Variants in POT1 observed in about 807,000 individuals in gnomAD.
POT1 encodes protection of telomeres 1, also known as protection of telomeres protein 1.
POT1 carries 47 observed loss-of-function variants against 78.5 expected under a neutral mutation model. The ratio of observed to expected loss-of-function variants is 0.60; its 90% CI spans 0.47 to 0.76. The LOEUF is 0.76. POT1 is among the 30% of genes least tolerant of loss of function. The pLI, the probability that POT1 is intolerant of heterozygous loss-of-function variation, is 0.00. For missense variants in POT1, 646 were observed against 749.9 expected, an observed-to-expected ratio of 0.86 and a Z score of 1.62; for synonymous variants, 259 against 260.7, an observed-to-expected ratio of 0.99 and a Z score of 0.06.
chr7:124,871,323 A>G (rs549814365), intron 6 of POT1, among the ~76,000 whole-genome samples: 3 of 152,204 alleles, frequency 2.0e-5, no homozygotes, highest in South Asian at 4.1e-4. Flanking sequence ...TATTGCTTCA[A>G]GGTTTACAAA....
chr7:124,829,195 A>C, intron 16 of POT1, 59 bp downstream of exon 16: 1 of 1,110,422 alleles, frequency 9.0e-7, no homozygotes, highest in Middle Eastern at 2.0e-4. Flanking sequence ...AAATATAAGT[A>C]GGTGAAATAA....
rs554499387 is a variant in POT1, at chr7:124,866,761, C to T, written c.256-3121G>A. On this transcript the variant is annotated intron_variant, in intron 7 of 18. Coordinates refer to ENST00000357628, the MANE Select transcript of POT1 (RefSeq NM_015450.3). ...GTTTCTCTTCACTCTCTGATCATAG[C>T]TACCCATTGTCCGATGCCTAAAAAA... is the stretch of plus-strand genomic sequence containing the variant. Among the ~76,000 whole-genome samples the T allele has an allele frequency of 3.9e-5, 6 of 152,286 alleles. No homozygotes were observed. The East Asian group carries it at 5.8e-4, about 15-fold the overall frequency.
chr7:124,871,623 GGT>G (rs1019564799), intron 6 of POT1, among the ~76,000 whole-genome samples: 97 of 151,918 alleles, frequency 6.4e-4, no homozygotes, highest in African/African-American at 2.2e-3. Flanking sequence ...ACAAAAGAGA[GGT>G]ATTTTTAAAA....
At chr7:124,887,105 G>A (rs1017353749) in intron 6 of POT1, among the ~76,000 whole-genome samples, 4 of 152,044 alleles carry the variant, frequency 2.6e-5, no homozygotes, top group Middle Eastern at 3.2e-3. Flanking sequence ...GGCAGCACAC[G>A]TAACATTTGA....
At chr7:124,917,669 A>T (rs999353738) in intron 2 of POT1, among the ~76,000 whole-genome samples, 14 of 152,220 alleles carry the variant, frequency 9.2e-5, no homozygotes, top group African/African-American at 2.9e-4. Context: ...ACATTAATCA[A>T]ATTAAACTCA....
chr7:124,929,756 C>T (rs1028646036), intron 1 of POT1, 38 bp downstream of exon 1: 1 of 152,232 alleles, frequency 6.6e-6, no homozygotes, highest in African/African-American at 2.4e-5. Flanking sequence ...CTGGCACCCA[C>T]TCAAATGAAC....
At chr7:124,900,383 CT>C (rs1796589261) in intron 3 of POT1, among the ~76,000 whole-genome samples, 1 of 152,120 alleles carries the variant, frequency 6.6e-6, no homozygotes, top group African/African-American at 2.4e-5. Context: ...CACAGATTCT[CT>C]CTCAGAAACA....
At chr7:124,873,815 A>T (rs927708017) in intron 6 of POT1, among the ~76,000 whole-genome samples, 2 of 152,184 alleles carry the variant, frequency 1.3e-5, no homozygotes, top group African/African-American at 4.8e-5. Flanking sequence ...CAGTGAAGGA[A>T]AGGAGAGTGG....
At chr7:124,889,713 C>T (rs1324086391) in intron 6 of POT1, among the ~76,000 whole-genome samples, 1 of 151,990 alleles carries the variant, frequency 6.6e-6, no homozygotes, top group Non-Finnish European at 1.5e-5. Flanking sequence ...AAAACCAACT[C>T]TGCCTGTGCT....
chr7:124,903,593 C>A (rs1447989490), intron 3 of POT1, among the ~76,000 whole-genome samples: 3 of 151,838 alleles, frequency 2.0e-5, no homozygotes, highest in Non-Finnish European at 4.4e-5. Flanking sequence ...AAATGGACAC[C>A]CTAACATCAC....
intron 7 of POT1, among the ~76,000 whole-genome samples, chr7:124,866,773 C>T (rs994682442): frequency 3.3e-5 from 5 of 152,114 alleles, no homozygotes; most frequent in South Asian, 2.1e-4. Context: ...ACCCATTGTC[C>T]GATGCCTAAA....
intron 15 of POT1, 125 bp downstream of exon 15, chr7:124,835,154 G>T: frequency 8.8e-7 from 1 of 1,141,706 alleles, no homozygotes; most frequent in Non-Finnish European, 1.2e-6. Flanking sequence ...GTGACGGGTT[G>T]ATGGGTGCAG....
intron 2 of POT1, among the ~76,000 whole-genome samples, chr7:124,928,454 T>G (rs75282087): frequency 0.017 from 2,594 of 152,324 alleles, 72 homozygotes; most frequent in African/African-American, 0.059. Flanking sequence ...TTTCGTGATC[T>G]GTCAGAACCA....
intron 7 of POT1, among the ~76,000 whole-genome samples, chr7:124,865,197 C>T (rs918205528): frequency 6.6e-6 from 1 of 152,072 alleles, no homozygotes; most frequent in Non-Finnish European, 1.5e-5. Flanking sequence ...TGTTCTCCAA[C>T]AATGCATCAT....
At chr7:124,843,750 T>C (rs1795088765) in intron 12 of POT1, among the ~76,000 whole-genome samples, 1 of 152,212 alleles carries the variant, frequency 6.6e-6, no homozygotes, top group Non-Finnish European at 1.5e-5. Context: ...AACACTTTCA[T>C]GTGTTTTAGA....
At position 124,822,722 on chromosome 7, in the gene POT1, T is replaced by C. The variant is rs1296692344; in HGVS notation, c.*1240A>G. 1.9e-5 allele frequency: 5 copies of C among 260,754 alleles called. No homozygotes were observed. The East Asian group carries it at 3.9e-4, about 20-fold the overall frequency. The allele number at this position is 260,754 out of a possible 1,614,324, so 16.2% of individuals were successfully genotyped here. ...GTCTTTCTCATTGTCTCAAACAAGC[T>C]GATAAGTCGATGATGGGGGACATTG... is the stretch of plus-strand genomic sequence containing the variant. On this transcript the variant is annotated 3_prime_UTR_variant, in exon 19 of 19. Transcript: ENST00000357628.
chr7:124,850,515 C>G (rs1795278180), intron 11 of POT1, among the ~76,000 whole-genome samples: 9 of 152,146 alleles, frequency 5.9e-5, no homozygotes, highest in Admixed American at 5.9e-4. Context: ...ATCATGAGGT[C>G]AGGAGATCGA....
rs910363551 is a variant in POT1, at chr7:124,921,506, G to A, written c.-226-5860C>T. On this transcript the variant is annotated intron_variant, in intron 2 of 18. Coordinates refer to ENST00000357628, the MANE Select transcript of POT1 (RefSeq NM_015450.3). ...AATAAAACTTAAAAAGAAATAAATA[G>A]GTGAGTAAAATGTGTAACAAACGTC... Among the ~76,000 whole-genome samples the A allele has an allele frequency of 2.4e-5, 3 of 126,168 alleles. No homozygotes were observed. The Admixed American group carries it at 2.5e-4, about 10-fold the overall frequency. 82.8% of individuals were successfully genotyped at this position (126,168 alleles called of 152,430 possible).
At chr7:124,830,910 G>A (rs1794743941) in intron 15 of POT1, among the ~76,000 whole-genome samples, 1 of 152,008 alleles carries the variant, frequency 6.6e-6, no homozygotes, top group South Asian at 2.1e-4. Flanking sequence ...TCTCTAACAC[G>A]GAAAGAAACC....
Sources: gnomAD v4.1 joint callset for allele counts (sites outside exome capture counted in the v4.1 genomes callset) on GRCh38, gnomAD v4.1.1 for gene constraint, MANE v1.5 for transcripts, NCBI Gene and HGNC (gene_info 2026-07-23, HGNC 2026-07-21) for gene names.